IQSEC3: variants seen among roughly 807,000 people sequenced by gnomAD.
The protein encoded by IQSEC3 is IQ motif and Sec7 domain ArfGEF 3.
Under a neutral mutation model 105.4 loss-of-function variants are expected in IQSEC3, and 50 were observed. The ratio of observed to expected loss-of-function variants is 0.47; its 90% CI spans 0.38 to 0.60. IQSEC3 has a LOEUF of 0.60. Ranked by LOEUF, IQSEC3 falls within the 20% of genes least tolerant of loss-of-function variation. IQSEC3 has a pLI of 0.00. For synonymous variants in IQSEC3, 708 were observed against 746.0 expected (o/e 0.95, Z 0.83); for missense variants, 1,415 against 1,630.0 (o/e 0.87, Z 2.27).
intron 5 of IQSEC3, among the ~76,000 whole-genome samples, chr12:142,983 T>C (rs145936150): frequency 6.6e-6 from 1 of 152,270 alleles, no homozygotes; most frequent in African/African-American, 2.4e-5. Context: ...CTGACTGTTG[T>C]CTGTTTTCTT....
Position 139,101 on chromosome 12 carries a change from A to G in IQSEC3, c.1738A>G (p.Thr580Ala). The change falls in exon 4 of 14, where the codon ACG (threonine) becomes GCG (alanine). Residue 580 changes from threonine to alanine, a missense_variant. This residue lies in a region of IQSEC3 where 720 missense variants were observed against 633.0 expected (regional missense o/e 1.14). Transcript: ENST00000538872. Reference protein sequence around the residue: ...KTEEEEEEEETAEVGRGAEAE... With the variant: ...KTEEEEEEEEAAEVGRGAEAE... ...AGAGGAGGAAGAGGAGGAGGAGGAG[A>G]CGGCGGAGGTGGGGAGAGGGGCCGA... 6.7e-7 allele frequency: 1 copy of G among 1,498,344 alleles called. No homozygotes were observed. The highest frequency in any genetic ancestry group is 1.4e-5 in the African/African-American group (1 of 71,698). 92.8% of individuals were successfully genotyped at this position (1,498,344 alleles called of 1,614,324 possible).
At chr12:92,565 C>T (rs1864121597) in intron 1 of IQSEC3, among the ~76,000 whole-genome samples, 1 of 152,192 alleles carries the variant, frequency 6.6e-6, no homozygotes. Flanking sequence ...TGCACTCGGG[C>T]CTACGGGGAC....
intron 2 of IQSEC3, among the ~76,000 whole-genome samples, chr12:119,664 G>A (rs942252148): frequency 6.6e-6 from 1 of 152,228 alleles, no homozygotes; most frequent in East Asian, 1.9e-4. Flanking sequence ...ACAGCATGGG[G>A]CAGAGTCTAC....
At chr12:99,250 C>T in intron 2 of IQSEC3, 36 bp downstream of exon 2, 1 of 1,574,890 alleles carries the variant, frequency 6.3e-7, no homozygotes, top group Non-Finnish European at 8.6e-7. Flanking sequence ...TCCGCATCCC[C>T]ACCTTCCTTC....
intron 9 of IQSEC3, 47 bp downstream of exon 9, chr12:163,666 G>A (rs1867030482): frequency 2.7e-6 from 3 of 1,103,546 alleles, no homozygotes; most frequent in Non-Finnish European, 4.2e-6. Context: ...GGCTGCCTCT[G>A]CCGCCCTGGT....
intron 7 of IQSEC3, among the ~76,000 whole-genome samples, chr12:159,253 T>C (rs6489272): frequency 0.53 from 81,061 of 152,142 alleles, 22,709 homozygotes; most frequent in African/African-American, 0.72. Context: ...CCTCTCCATA[T>C]GTCCAGACCT....
In IQSEC3 at chr12:145,708, G is replaced by T. The variant is rs552237917; in HGVS notation, c.2153+4423G>T. ...GAGCCAGACAGCAGCCAGAGCTAGG[G>T]CCCTCTAGGGCTGGAAGCCTCTCCC... On this transcript the variant is annotated intron_variant, in intron 5 of 13. Coordinates refer to ENST00000538872, the MANE Select transcript of IQSEC3 (RefSeq NM_001170738.2). 1.4e-3 allele frequency among the ~76,000 whole-genome samples: 210 copies of T among 152,362 alleles called. 3 individuals are homozygous for T. The South Asian group carries it at 0.018, about 13-fold the overall frequency.
chr12:79,753 A>G (rs564376220), intron 1 of IQSEC3, among the ~76,000 whole-genome samples: 1 of 152,342 alleles, frequency 6.6e-6, no homozygotes, highest in South Asian at 2.1e-4. Flanking sequence ...GATTCAAAAG[A>G]AAAGAGTTTA....
intron 1 of IQSEC3, among the ~76,000 whole-genome samples, chr12:71,092 G>A (rs1863297791): frequency 6.6e-6 from 1 of 152,236 alleles, no homozygotes; most frequent in South Asian, 2.1e-4. Flanking sequence ...TCAATCTTGA[G>A]TATCTTTTGA....
chr12:150,726 G>A (rs188783486), intron 5 of IQSEC3, among the ~76,000 whole-genome samples: 8 of 152,326 alleles, frequency 5.3e-5, no homozygotes, highest in Admixed American at 2.6e-4. Context: ...GGATGCTTGA[G>A]TGGAGCAGGT....
At chr12:119,144 G>A (rs1865140934) in intron 2 of IQSEC3, among the ~76,000 whole-genome samples, 1 of 152,180 alleles carries the variant, frequency 6.6e-6, no homozygotes, top group Non-Finnish European at 1.5e-5. Context: ...GCAGGTAGTT[G>A]CAGAGCCTGG....
At chr12:163,681 C>T in intron 9 of IQSEC3, 62 bp downstream of exon 9, 1 of 967,068 alleles carries the variant, frequency 1.0e-6, no homozygotes, top group South Asian at 1.3e-5. Context: ...CCTGGTCAGC[C>T]TGGGCAGGGT....
Position 125,768 on chromosome 12 carries a change from G to C in IQSEC3, c.759G>C (p.Pro253=). 1 of 1,510,920 alleles carries C rather than the reference G, an allele frequency of 6.6e-7. No individual in the cohort carries two copies. The highest frequency in any genetic ancestry group is 8.8e-7 in the Non-Finnish European group (1 of 1,136,622). 93.6% of individuals were successfully genotyped at this position (1,510,920 alleles called of 1,614,324 possible). Residue 253 remains proline (P), a synonymous_variant, in exon 3 of 14, where the codon CCG becomes CCC. Coordinates refer to ENST00000538872, the MANE Select transcript of IQSEC3 (RefSeq NM_001170738.2). ...AGCTGCAGGAGGAGGAGGAGCGGCC[G>C]GGGGCAGGGGCTGCCTCCCCAAGGG... ...AQELQEEEER[P]GAGAASPRAG...
intron 1 of IQSEC3, among the ~76,000 whole-genome samples, chr12:87,209 G>C (rs1481481335): frequency 2.0e-5 from 3 of 152,022 alleles, no homozygotes; most frequent in Admixed American, 6.5e-5. Context: ...TTCATTATCA[G>C]GATGGTCATC....
At chr12:117,723 G>T (rs1555080980) in intron 2 of IQSEC3, among the ~76,000 whole-genome samples, 1 of 152,206 alleles carries the variant, frequency 6.6e-6, no homozygotes, top group Non-Finnish European at 1.5e-5. Flanking sequence ...AAGCCTGGAG[G>T]CAACAAGGAG....
intron 6 of IQSEC3, 79 bp downstream of exon 6, chr12:157,226 A>C: frequency 6.9e-7 from 1 of 1,444,664 alleles, no homozygotes; most frequent in Non-Finnish European, 9.2e-7. Flanking sequence ...GGGAGACAGG[A>C]GATGCTATCA....
At position 139,277 on chromosome 12, in the gene IQSEC3, C is replaced by T. The variant is rs1555088363; in HGVS notation, c.1914C>T (p.Ala638=). The T allele has an allele frequency of 7.5e-6, 12 of 1,609,976 alleles. No individual in the cohort carries two copies. Among genetic ancestry groups the T allele is most frequent in the South Asian group, 1.1e-5 (1 of 90,212 alleles). The change falls in exon 4 of 14, where the codon GCC becomes GCT. Residue 638 remains alanine (A), a synonymous_variant. Coordinates refer to ENST00000538872, the MANE Select transcript of IQSEC3 (RefSeq NM_001170738.2). ...CGCGCTACCACTGCGAGAACCCAGCCAGCTGCAAGTCGCCCACGCTCTCCA... is the reference window on the plus strand; with the variant it reads ...CGCGCTACCACTGCGAGAACCCAGCTAGCTGCAAGTCGCCCACGCTCTCCA... The part of the protein sequence containing the change: ...SLPRYHCENP[A]SCKSPTLSTD...
rs890035621 is a variant in IQSEC3 at position 131,061 on chromosome 12, C to T, written c.903+5149C>T. On this transcript the variant is annotated intron_variant, in intron 3 of 13. Coordinates refer to ENST00000538872, the MANE Select transcript of IQSEC3 (RefSeq NM_001170738.2). ...CCCCCGCTCCTCAGCACTGTGCCCC[C>T]CAGCTAGCGGCTCTTCCTCCCCACC... Among the ~76,000 whole-genome samples, 131 of 93,946 alleles carry T rather than the reference C, an allele frequency of 1.4e-3. 1 individual carries two copies. Among genetic ancestry groups the T allele is most frequent in the Non-Finnish European group, 2.3e-3 (100 of 43,416 alleles). The allele number at this position is 93,946 out of a possible 152,430, so 61.6% of individuals were successfully genotyped here.
intron 5 of IQSEC3, among the ~76,000 whole-genome samples, chr12:154,246 C>G (rs1436164618): frequency 5.9e-5 from 9 of 152,228 alleles, no homozygotes; most frequent in African/African-American, 2.2e-4. Context: ...TGCTTGTCAC[C>G]TGAGTGAAGG....
Sources: allele counts gnomAD v4.1 joint callset (sites outside exome capture counted in the v4.1 genomes callset), GRCh38; gene constraint gnomAD v4.1.1; regional missense constraint gnomAD v4.1.1; transcripts MANE v1.5; gene names NCBI Gene and HGNC (gene_info 2026-07-23, HGNC 2026-07-21).